NCKAP1: variants seen among roughly 807,000 people sequenced by gnomAD.
The protein encoded by NCKAP1 is nck-associated protein 1.
Under a neutral mutation model 151.2 loss-of-function variants are expected in NCKAP1, and 21 were observed. That is an observed-to-expected ratio of 0.14 (90% CI 0.10 to 0.20). The LOEUF (loss-of-function observed/expected upper bound fraction) is 0.20, where lower values mean the gene tolerates loss of function less well. Among genes scored for constraint, NCKAP1 ranks in the 10% least tolerant of loss-of-function variants. The probability of loss-of-function intolerance (pLI) is 1.00; values close to 1 mark genes in which losing one functional copy is unlikely to be tolerated. For missense variants in NCKAP1, 933 were observed against 1,352.1 expected, an observed-to-expected ratio of 0.69 and a Z score of 4.86; for synonymous variants, 484 against 451.8, an observed-to-expected ratio of 1.07 and a Z score of -0.90.
rs897503469 is a variant in NCKAP1 at position 183,019,544 on chromosome 2, C to T, written c.219+4262G>A. On this transcript the variant is annotated intron_variant, in intron 2 of 30. Transcript: ENST00000361354. ...CCTCCAGGTACCCTTAAGAAACCTA[C>T]GAGAAACAAATTTCATTTGAGAGTT... 9.9e-5 allele frequency among the ~76,000 whole-genome samples: 15 copies of T among 152,090 alleles called. No individual in the cohort carries two copies. The South Asian group carries it at 1.0e-3, about 11-fold the overall frequency.
In NCKAP1 at chr2:183,038,411, T is replaced by G; in HGVS notation, c.-312A>C. The G allele has an allele frequency of 9.3e-6, 2 of 214,342 alleles. No individual in the cohort carries two copies. Among genetic ancestry groups the G allele is most frequent in the East Asian group, 1.1e-4 (1 of 9,196 alleles). The allele number at this position is 214,342 out of a possible 1,614,324, so 13.3% of individuals were successfully genotyped here. ...GAGCCGCCTTCCCCGGCTGCTCCAC[T>G]AGGTGTGGCGGCGGCGGCGGCGGCG... On this transcript the variant is annotated 5_prime_UTR_variant, in exon 1 of 31. Transcript: ENST00000361354.
chr2:182,955,196 CT>C (rs1362037223), intron 20 of NCKAP1, among the ~76,000 whole-genome samples: 3 of 152,302 alleles, frequency 2.0e-5, no homozygotes, highest in African/African-American at 7.2e-5. Flanking sequence ...TTCTCTAATT[CT>C]TTTAGTCATC....
intron 7 of NCKAP1, among the ~76,000 whole-genome samples, chr2:182,995,244 G>C (rs1277158474): frequency 6.6e-6 from 1 of 152,186 alleles, no homozygotes; most frequent in East Asian, 1.9e-4. Flanking sequence ...AGACATTTAT[G>C]TGTCTGAATA....
intron 7 of NCKAP1, among the ~76,000 whole-genome samples, chr2:182,995,331 G>A (rs1369774585): frequency 6.6e-6 from 1 of 152,054 alleles, no homozygotes; most frequent in African/African-American, 2.4e-5. Context: ...TAAATACAGA[G>A]AATAGACTGA....
chr2:182,916,169 C>CAAACAA lies in NCKAP1; in HGVS notation c.*9532_*9533insTTGTTT, dbSNP rs1696463942. On this transcript the variant is annotated 3_prime_UTR_variant, in exon 31 of 31. Coordinates refer to ENST00000361354, the MANE Select transcript of NCKAP1 (RefSeq NM_013436.5). ...ACCTTGCTTCCCCTTCGCCTTCTGT[C>CAAACAA]AAAAAAAAAAAAAAAAAAAAAACAT... The CAAACAA allele has an allele frequency of 2.3e-5, 2 of 87,908 alleles. No homozygotes were observed. The highest frequency in any genetic ancestry group is 4.2e-5 in the Non-Finnish European group (2 of 48,168). 5.4% of individuals were successfully genotyped at this position (87,908 alleles called of 1,614,324 possible).
chr2:182,961,088 G>A (rs1245482942), intron 18 of NCKAP1, among the ~76,000 whole-genome samples: 1 of 152,176 alleles, frequency 6.6e-6, no homozygotes, highest in African/African-American at 2.4e-5. Context: ...AGCAACAGGT[G>A]CTGGAGAAGA....
intron 2 of NCKAP1, among the ~76,000 whole-genome samples, chr2:183,014,047 G>C (rs1235593769): frequency 1.3e-5 from 2 of 151,974 alleles, no homozygotes; most frequent in Non-Finnish European, 2.9e-5. Context: ...ACCCTGCTTT[G>C]TTCTTCCTAG....
chr2:182,949,245 T>C (rs539536356), intron 23 of NCKAP1, among the ~76,000 whole-genome samples: 3 of 152,256 alleles, frequency 2.0e-5, no homozygotes, highest in Admixed American at 6.5e-5. Context: ...CTTCATCAGA[T>C]AGGAGTAGGT....
intron 15 of NCKAP1, among the ~76,000 whole-genome samples, chr2:182,967,797 T>C (rs1020604084): frequency 6.6e-6 from 1 of 152,228 alleles, no homozygotes; most frequent in Non-Finnish European, 1.5e-5. Flanking sequence ...AACTGGATCA[T>C]ATAATACACT....
Position 182,952,890 on chromosome 2 carries a change from A to G in NCKAP1, c.2406T>C (p.Asn802=), listed in dbSNP as rs1356738794. The G allele has an allele frequency of 2.5e-6, 4 of 1,611,334 alleles. No homozygotes were observed. The East Asian group carries it at 6.7e-5, about 27-fold the overall frequency. Residue 802 remains asparagine (N), a synonymous_variant, in exon 22 of 31, where the codon AAT becomes AAC. Transcript: ENST00000361354. ...YLETLLRQVS[N]GHIAYFPAMK... is the part of the protein sequence containing the mutation. ...TTGCAGGAAAATATGCTATATGGCCATTGCTGACTTGTCGTAACAAAGTTT... is the reference window on the plus strand; with the variant it reads ...TTGCAGGAAAATATGCTATATGGCCGTTGCTGACTTGTCGTAACAAAGTTT...
chr2:182,984,423 G>GGGTGTGTGTGTGTGTGTGTGT (rs984252600), intron 10 of NCKAP1, among the ~76,000 whole-genome samples: 1,912 of 144,370 alleles, frequency 0.013, 24 homozygotes, highest in Non-Finnish European at 0.022. Context: ...TTTAGATTGG[G>GGGTGTGTGTGTGTGTGTGTGT]GTGTGTGTGT....
intron 15 of NCKAP1, among the ~76,000 whole-genome samples, chr2:182,972,306 C>CAG (rs948283788): frequency 2.8e-5 from 4 of 144,988 alleles, no homozygotes; most frequent in African/African-American, 1.0e-4. Context: ...AGAAGACATA[C>CAG]AGGTGGCCAA....
At chr2:182,975,629 AG>A (rs1274102788) in intron 15 of NCKAP1, among the ~76,000 whole-genome samples, 1 of 152,222 alleles carries the variant, frequency 6.6e-6, no homozygotes, top group Non-Finnish European at 1.5e-5. Context: ...AAAACAGGCC[AG>A]GCACTGTGGC....
At chr2:182,946,739 C>CA (rs5836861) in intron 23 of NCKAP1, among the ~76,000 whole-genome samples, 95,906 of 132,406 alleles carry the variant, frequency 0.72, 35,538 homozygotes, top group East Asian at 0.94. Flanking sequence ...ATAAACCTAC[C>CA]AAAAAAAAAA....
At chr2:182,995,612 AT>A (rs1698253104) in intron 7 of NCKAP1, 88 bp downstream of exon 7, 3 of 1,255,546 alleles carry the variant, frequency 2.4e-6, no homozygotes, top group Non-Finnish European at 2.2e-6. Flanking sequence ...GCTAATGCTA[AT>A]TAGAAACAAA....
At position 182,910,312 on chromosome 2, in the gene NCKAP1, T is replaced by C. The variant is rs77355711; in HGVS notation, c.*15390A>G. The C allele has an allele frequency of 0.043, 6,521 of 152,358 alleles. 194 individuals are homozygous for C. The highest frequency in any genetic ancestry group is 0.13 in the South Asian group (632 of 4,830). The allele number at this position is 152,358 out of a possible 1,614,324, so 9.4% of individuals were successfully genotyped here. ...GGAAAGCCAGCATGATTTGTGTTTC[T>C]GCATCCAGGCAAATGTACTAAAATT... On this transcript the variant is annotated 3_prime_UTR_variant, in exon 31 of 31. Coordinates refer to ENST00000361354, the MANE Select transcript of NCKAP1 (RefSeq NM_013436.5).
intron 18 of NCKAP1, among the ~76,000 whole-genome samples, chr2:182,957,850 C>T (rs1291740296): frequency 2.0e-5 from 3 of 152,088 alleles, no homozygotes; most frequent in Non-Finnish European, 4.4e-5. Context: ...TTCATAGACG[C>T]TTATTTAAAT....
chr2:182,981,466 T>C (rs774309106), intron 12 of NCKAP1, 90 bp from the exon 13 acceptor site: 16 of 1,027,204 alleles, frequency 1.6e-5, no homozygotes, highest in Non-Finnish European at 2.2e-5. Context: ...TTTCTAAAAG[T>C]ATTTTTCTTA....
At chr2:183,031,749 C>T (rs562495451) in intron 1 of NCKAP1, among the ~76,000 whole-genome samples, 3 of 152,044 alleles carry the variant, frequency 2.0e-5, no homozygotes, top group African/African-American at 4.8e-5. Flanking sequence ...TTAATAAAAG[C>T]GTATTCCAAA....
Sources: allele counts gnomAD v4.1 joint callset (sites outside exome capture counted in the v4.1 genomes callset), GRCh38; gene constraint gnomAD v4.1.1; transcripts MANE v1.5; gene names NCBI Gene and HGNC (gene_info 2026-07-23, HGNC 2026-07-21).